The following FOLR1 variants were observed in gnomAD, a reference collection of about 807,000 sequenced individuals.
FOLR1 encodes folate receptor alpha.
Under a neutral mutation model 22.8 loss-of-function variants are expected in FOLR1, and 11 were observed. The ratio of observed to expected loss-of-function variants is 0.48; its 90% confidence interval spans 0.30 to 0.80. The LOEUF (loss-of-function observed/expected upper bound fraction) is 0.80. Among genes scored for constraint, FOLR1 ranks in the 30% least tolerant of loss-of-function variants. FOLR1 has a pLI of 0.06. For missense variants in FOLR1, 273 were observed against 320.3 expected, an observed-to-expected ratio of 0.85 and a Z score of 1.13; for synonymous variants, 108 against 116.5, an observed-to-expected ratio of 0.93 and a Z score of 0.47.
At chr11:72,193,065 C>T (rs1004035358) in intron 1 of FOLR1, among the ~76,000 whole-genome samples, 4 of 152,062 alleles carry the variant, frequency 2.6e-5, no homozygotes, top group African/African-American at 4.8e-5. Flanking sequence ...CCAGGTGTTA[C>T]GGCTCACGCC....
At chr11:72,191,365 CTTT>C (rs5792581), upstream of FOLR1, among the ~76,000 whole-genome samples, 1 of 145,146 alleles carries the variant, frequency 6.9e-6, no homozygotes, top group Admixed American at 6.9e-5. Context: ...TTTTTATAAA[CTTT>C]TTTTTTTTTT....
chr11:72,192,085 C>T (rs987175619), upstream of FOLR1: 21 of 1,481,788 alleles, frequency 1.4e-5, no homozygotes, highest in African/African-American at 2.8e-4. Context: ...CGTCCAGGCC[C>T]CACCCTCCTG....
At chr11:72,193,354 G>C (rs1254923841) in intron 1 of FOLR1, among the ~76,000 whole-genome samples, 1 of 146,518 alleles carries the variant, frequency 6.8e-6, no homozygotes, top group Non-Finnish European at 1.5e-5. Flanking sequence ...AAAAAAGAAA[G>C]AAAGGAAGGA....
rs760498273 is a variant in FOLR1, at chr11:72,196,106, G to T, written c.703G>T (p.Gly235Trp). 6.2e-7 allele frequency: 1 copy of T among 1,614,178 alleles called. No individual in the cohort carries two copies. Among genetic ancestry groups the T allele is most frequent in the Non-Finnish European group, 8.5e-7 (1 of 1,180,032 alleles). Reference protein sequence around the residue: ...VARFYAAAMSGAGPWAAWPFL... With the variant: ...VARFYAAAMSWAGPWAAWPFL... ...GAGGTTCTATGCTGCAGCCATGAGT[G>T]GGGCTGGGCCCTGGGCAGCCTGGCC... Residue 235 changes from glycine (G) to tryptophan (W), a missense_variant, in exon 4 of 4, where the codon GGG becomes TGG. Physicochemically the swap from Gly to Trp is radical, Grantham distance 184. Coordinates refer to ENST00000393676, the MANE Select transcript of FOLR1 (RefSeq NM_016729.3).
At chr11:72,190,029 TG>T (rs1565362871), upstream of FOLR1, among the ~76,000 whole-genome samples, 1 of 151,970 alleles carries the variant, frequency 6.6e-6, no homozygotes, top group Non-Finnish European at 1.5e-5. Context: ...AGGTTGGGTG[TG>T]GGGGTCATGA....
upstream of FOLR1, chr11:72,192,138 G>A: frequency 6.2e-7 from 1 of 1,613,808 alleles, no homozygotes; most frequent in Non-Finnish European, 8.5e-7. Context: ...GCATTCCTTG[G>A]TGCCACTGAC....
In FOLR1 at chr11:72,195,886, C is replaced by T; in HGVS notation, c.494-11C>T. ...GGCCCAGTGGCTAAAGGTCTTCCCT[C>T]CTCTCTACAGGGTTTAACAAGTGCG... On this transcript the variant is annotated splice_polypyrimidine_tract_variant and intron_variant, in intron 3 of 3. Coordinates refer to ENST00000393676, the MANE Select transcript of FOLR1 (RefSeq NM_016729.3). The T allele has an allele frequency of 2.5e-6, 4 of 1,614,200 alleles. No homozygotes were observed. The highest frequency in any genetic ancestry group is 2.2e-5 in the South Asian group (2 of 91,076).
At chr11:72,193,070 C>T (rs962776794) in intron 1 of FOLR1, among the ~76,000 whole-genome samples, 8 of 152,228 alleles carry the variant, frequency 5.3e-5, no homozygotes, top group Non-Finnish European at 7.3e-5. Flanking sequence ...TGTTACGGCT[C>T]ACGCCTGTAA....
At chr11:72,191,165 C>G (rs1170146535), upstream of FOLR1, among the ~76,000 whole-genome samples, 1 of 152,132 alleles carries the variant, frequency 6.6e-6, no homozygotes, top group Admixed American at 6.5e-5. Context: ...CCCAAGGCCC[C>G]AGGGCTGTCC....
upstream of FOLR1, among the ~76,000 whole-genome samples, chr11:72,190,823 C>A (rs771774189): frequency 2.0e-5 from 3 of 152,200 alleles, no homozygotes; most frequent in Non-Finnish European, 4.4e-5. Flanking sequence ...GTGCAGTCGG[C>A]CTGGAGACAG....
chr11:72,192,117 G>T, upstream of FOLR1: 1 of 1,606,172 alleles, frequency 6.2e-7, no homozygotes, highest in South Asian at 1.1e-5. Context: ...ACAACTTAAG[G>T]CCCCACCTCC....
chr11:72,192,355 T>G lies in FOLR1; in HGVS notation c.168+14T>G, dbSNP rs1461118752. Reference sequence around the variant, plus strand: ...TTGCATGAGCAGGTGGGCCAGGGGGTGATCTGGGGTGGTGAGGGACTGGCT... The same window carrying G: ...TTGCATGAGCAGGTGGGCCAGGGGGGGATCTGGGGTGGTGAGGGACTGGCT... On this transcript the variant is annotated intron_variant, in intron 1 of 3. Transcript: ENST00000393676. The G allele has an allele frequency of 6.2e-7, 1 of 1,612,982 alleles. No homozygotes were observed. The highest frequency in any genetic ancestry group is 1.3e-5 in the African/African-American group (1 of 74,766).
At chr11:72,193,198 G>A (rs946498450) in intron 1 of FOLR1, among the ~76,000 whole-genome samples, 2 of 152,030 alleles carry the variant, frequency 1.3e-5, no homozygotes, top group Non-Finnish European at 2.9e-5. Flanking sequence ...TTAGTCAGGT[G>A]TGGTGGCACA....
In FOLR1 at chr11:72,195,909, G is replaced by A. The variant is rs200076509; in HGVS notation, c.506G>A (p.Cys169Tyr). The change falls in exon 4 of 4, where the codon TGC (cysteine) becomes TAC (tyrosine). Residue 169 changes from cysteine (C) to tyrosine (Y), a missense_variant. Coordinates refer to ENST00000393676, the MANE Select transcript of FOLR1 (RefSeq NM_016729.3). ...CTCCTCTCTACAGGGTTTAACAAGTGCGCAGTGGGAGCTGCCTGCCAACCT... is the reference window on the plus strand; with the variant it reads ...CTCCTCTCTACAGGGTTTAACAAGTACGCAGTGGGAGCTGCCTGCCAACCT... ...GWNWTSGFNK[C>Y]AVGAACQPFH... is the part of the protein sequence containing the mutation. 167 of 1,614,096 alleles carry A rather than the reference G, an allele frequency of 1.0e-4. No individual in the cohort carries two copies. The highest frequency in any genetic ancestry group is 1.3e-5 in the African/African-American group (1 of 74,930).
At chr11:72,194,664 G>A (rs1166600314) in intron 1 of FOLR1, among the ~76,000 whole-genome samples, 1 of 152,178 alleles carries the variant, frequency 6.6e-6, no homozygotes, top group Non-Finnish European at 1.5e-5. Context: ...CTCCCAAAAT[G>A]CTGGGATTAC....
At chr11:72,193,342 GA>G (rs376953685) in intron 1 of FOLR1, among the ~76,000 whole-genome samples, 41 of 132,530 alleles carry the variant, frequency 3.1e-4, no homozygotes, top group African/African-American at 9.1e-4. Context: ...AAGAAAGAAC[GA>G]AAAAAAGAAA....
chr11:72,191,489 C>A (rs923786945), upstream of FOLR1, among the ~76,000 whole-genome samples: 3 of 151,970 alleles, frequency 2.0e-5, no homozygotes, highest in South Asian at 6.2e-4. Context: ...CAGCCTCCCA[C>A]GTAGCTGGGA....
chr11:72,192,382 A>C, intron 1 of FOLR1, 41 bp downstream of exon 1: 1 of 1,609,824 alleles, frequency 6.2e-7, no homozygotes, highest in Non-Finnish European at 8.5e-7. Context: ...GGACTGGCTC[A>C]GGAAGAGGAA....
chr11:72,192,486 A>G (rs1948170059), intron 1 of FOLR1, 145 bp downstream of exon 1: 2 of 791,320 alleles, frequency 2.5e-6, no homozygotes, highest in Admixed American at 2.3e-5. Context: ...TTTCACAGAC[A>G]CTGTGCCAAA....
Sources: gnomAD v4.1 joint callset for allele counts (sites outside exome capture counted in the v4.1 genomes callset) on GRCh38, gnomAD v4.1.1 for gene constraint, MANE v1.5 for transcripts, NCBI Gene and HGNC (gene_info 2026-07-23, HGNC 2026-07-21) for gene names.